Variants in TMEFF2 observed in about 807,000 individuals in gnomAD.
TMEFF2 encodes the protein transmembrane protein with EGF like and two follistatin like domains 2, also known as tomoregulin-2.
A neutral mutation model predicts 53.8 loss-of-function variants in TMEFF2; 28 were observed. The observed-to-expected ratio is 0.52, with a 90% CI of 0.39 to 0.71. The LOEUF (loss-of-function observed/expected upper bound fraction) is 0.71, where lower values mean the gene tolerates loss of function less well. Among genes scored for constraint, TMEFF2 ranks in the 30% least tolerant of loss-of-function variants. The pLI is 0.00. For missense variants in TMEFF2, 353 were observed against 455.2 expected, an observed-to-expected ratio of 0.78 and a Z score of 2.04; for synonymous variants, 162 against 166.3, an observed-to-expected ratio of 0.97 and a Z score of 0.20.
At chr2:192,074,554 G>A (rs1371812915) in intron 4 of TMEFF2, among the ~76,000 whole-genome samples, 1 of 151,760 alleles carries the variant, frequency 6.6e-6, no homozygotes, top group Non-Finnish European at 1.5e-5. Flanking sequence ...GAAATCAAAT[G>A]TTCTAGGTTT....
At chr2:191,957,396 C>G (rs569731963) in intron 7 of TMEFF2, among the ~76,000 whole-genome samples, 51 of 152,166 alleles carry the variant, frequency 3.4e-4, no homozygotes, top group African/African-American at 1.2e-3. Context: ...CTCTTCAACA[C>G]CCTAGTAATT....
chr2:191,998,078 G>A (rs1387016188), intron 7 of TMEFF2, among the ~76,000 whole-genome samples, 184 bp downstream of exon 7: 4 of 151,880 alleles, frequency 2.6e-5, no homozygotes, highest in Admixed American at 6.6e-5. Context: ...GGCAAAAACC[G>A]TATGTCTTCT....
At chr2:192,096,535 T>C (rs1216918802) in intron 4 of TMEFF2, among the ~76,000 whole-genome samples, 1 of 152,120 alleles carries the variant, frequency 6.6e-6, no homozygotes, top group African/African-American at 2.4e-5. Flanking sequence ...ATTTTAAAAA[T>C]TTAAAATTGA....
At chr2:191,983,587 T>G (rs1685906724) in intron 7 of TMEFF2, among the ~76,000 whole-genome samples, 1 of 152,096 alleles carries the variant, frequency 6.6e-6, no homozygotes, top group Non-Finnish European at 1.5e-5. Context: ...GGTAGAATGA[T>G]TATAACATGC....
intron 4 of TMEFF2, among the ~76,000 whole-genome samples, chr2:192,136,986 A>G (rs183812002): frequency 6.6e-6 from 1 of 152,336 alleles, no homozygotes; most frequent in East Asian, 1.9e-4. Flanking sequence ...GAGGGGGAAA[A>G]GGAAAGAGAA....
At chr2:192,060,580 C>T in intron 4 of TMEFF2, among the ~76,000 whole-genome samples, 1 of 152,048 alleles carries the variant, frequency 6.6e-6, no homozygotes, top group East Asian at 1.9e-4. Context: ...ACATGCAGGG[C>T]TGCAATATAA....
At chr2:192,137,875 T>G (rs1007498945) in intron 4 of TMEFF2, among the ~76,000 whole-genome samples, 1 of 151,490 alleles carries the variant, frequency 6.6e-6, no homozygotes, top group East Asian at 1.9e-4. Context: ...CGATCTAGGC[T>G]CACTGCAACC....
At chr2:192,093,952 C>T (rs946925301) in intron 4 of TMEFF2, among the ~76,000 whole-genome samples, 19 of 152,112 alleles carry the variant, frequency 1.2e-4, no homozygotes, top group African/African-American at 4.6e-4. Context: ...CTTAGAGACA[C>T]ATGGATCCAT....
Position 192,097,990 on chromosome 2 carries a change from GACAATTAATTTGCCAC to G in TMEFF2, c.440-40231_440-40216del, listed in dbSNP as rs572286156. Among the ~76,000 whole-genome samples, 214 of 152,306 alleles carry G rather than the reference GACAATTAATTTGCCAC, an allele frequency of 1.4e-3. 2 individuals are homozygous for G. The highest frequency in any genetic ancestry group is 5.1e-3 in the African/African-American group (210 of 41,576). ...GAAAGGTCACAAGCATTTGGTGAAT[GACAATTAATTTGCCAC>G]AATTAACCAAATACTGAGGTAAAAT... On this transcript the variant is annotated intron_variant, in intron 4 of 9. Coordinates refer to ENST00000272771, the MANE Select transcript of TMEFF2 (RefSeq NM_016192.4).
rs56356734 is a variant in TMEFF2 at position 192,029,811 on chromosome 2, A to T, written c.536+27868T>A. ...GCATGTTGAGATAGATAACATTTTT[A>T]AAAAAATGAATATGCTTTCTAAAAA... On this transcript the variant is annotated intron_variant, in intron 5 of 9. Coordinates refer to ENST00000272771, the MANE Select transcript of TMEFF2 (RefSeq NM_016192.4). Among the ~76,000 whole-genome samples the T allele has an allele frequency of 1.9e-3, 296 of 152,346 alleles. 2 individuals are homozygous for T. The highest frequency in any genetic ancestry group is 6.6e-3 in the African/African-American group (273 of 41,574).
intron 4 of TMEFF2, among the ~76,000 whole-genome samples, chr2:192,174,685 G>A (rs1177131098): frequency 6.6e-6 from 1 of 151,664 alleles, no homozygotes; most frequent in Non-Finnish European, 1.5e-5. Flanking sequence ...ATATTGCCTG[G>A]GAAGAATTTC....
chr2:192,185,091 A>G (rs1391225036), intron 2 of TMEFF2, among the ~76,000 whole-genome samples: 3 of 152,102 alleles, frequency 2.0e-5, no homozygotes, highest in Non-Finnish European at 2.9e-5. Context: ...AAGCAAAACT[A>G]TGGAACTCAG....
At chr2:192,184,536 C>T in intron 2 of TMEFF2, 53 bp from the exon 3 acceptor site, 3 of 1,597,496 alleles carry the variant, frequency 1.9e-6, no homozygotes, top group Non-Finnish European at 2.6e-6. Context: ...TTGTATCCCT[C>T]TGACACGATG....
chr2:192,062,335 T>C (rs942682043), intron 4 of TMEFF2, among the ~76,000 whole-genome samples: 1 of 152,214 alleles, frequency 6.6e-6, no homozygotes, highest in African/African-American at 2.4e-5. Context: ...CAATAGTTTA[T>C]ATCTTTTTAT....
chr2:192,158,246 T>C (rs1358742547), intron 4 of TMEFF2, among the ~76,000 whole-genome samples: 1 of 152,132 alleles, frequency 6.6e-6, no homozygotes, highest in African/African-American at 2.4e-5. Context: ...GTATTACTGT[T>C]CAGATATGAT....
chr2:192,177,852 G>A (rs1161645726), intron 4 of TMEFF2: 2 of 150,802 alleles, frequency 1.3e-5, no homozygotes. Flanking sequence ...AATATAAAAC[G>A]CAACAGGGAA....
intron 4 of TMEFF2, among the ~76,000 whole-genome samples, chr2:192,174,118 C>T (rs1261934281): frequency 3.3e-5 from 5 of 151,718 alleles, no homozygotes; most frequent in Non-Finnish European, 7.4e-5. Context: ...AGGCAAATCT[C>T]CTGATTCATA....
intron 4 of TMEFF2, among the ~76,000 whole-genome samples, chr2:192,146,018 G>A (rs982941634): frequency 1.3e-5 from 2 of 151,900 alleles, no homozygotes; most frequent in South Asian, 4.1e-4. Flanking sequence ...AATAGAGCAC[G>A]TTTACTCCTG....
chr2:191,973,603 AG>A (rs5837267), intron 7 of TMEFF2, among the ~76,000 whole-genome samples: 113,559 of 151,918 alleles, frequency 0.75, 42,676 homozygotes, highest in East Asian at 0.91. Context: ...AGAGAACTCC[AG>A]AAGCCATGTG....
Sources: gnomAD v4.1 joint callset for allele counts (sites outside exome capture counted in the v4.1 genomes callset) on GRCh38, gnomAD v4.1.1 for gene constraint, MANE v1.5 for transcripts, NCBI Gene and HGNC (gene_info 2026-07-23, HGNC 2026-07-21) for gene names.